RYR2: variants seen among roughly 807,000 people sequenced by gnomAD.
RYR2 encodes the protein ryanodine receptor 2.
A neutral mutation model predicts 601.1 loss-of-function variants in RYR2; 227 were observed. The observed-to-expected ratio is 0.38, with a 90% CI of 0.34 to 0.42. The LOEUF (loss-of-function observed/expected upper bound fraction) is 0.42. Ranked by LOEUF, RYR2 falls within the 10% of genes least tolerant of loss-of-function variation. The probability of loss-of-function intolerance (pLI) is 1.00; values close to 1 mark genes in which losing one functional copy is unlikely to be tolerated. For synonymous variants in RYR2, 2,223 were observed against 2,175.1 expected (o/e 1.02, Z -0.61); for missense variants, 4,646 against 6,156.5 (o/e 0.75, Z 8.21).
intron 1 of RYR2, among the ~76,000 whole-genome samples, chr1:237,068,223 C>T (rs1663893386): frequency 6.6e-6 from 1 of 151,936 alleles, no homozygotes; most frequent in Non-Finnish European, 1.5e-5. Flanking sequence ...ATGGTGATTA[C>T]AATAAAGTCA....
In RYR2 at chr1:237,643,341, G is replaced by T; in HGVS notation, c.7236G>T (p.Gly2412=). The T allele has an allele frequency of 1.2e-6, 2 of 1,613,632 alleles. No homozygotes were observed. Among genetic ancestry groups the T allele is most frequent in the Non-Finnish European group, 1.7e-6 (2 of 1,179,710 alleles). ...CCCCTGTATAGTTGATTCATGCCGG[G>T]AAGGGAGAAGCCATCAGAATTAGGT... ...CAPEMHLIHA[G]KGEAIRIRSI... is the part of the protein sequence containing the mutation. The change falls in exon 48 of 105, where the codon GGG becomes GGT. Residue 2412 remains glycine (G), a synonymous_variant. Coordinates refer to ENST00000366574, the MANE Select transcript of RYR2 (RefSeq NM_001035.3).
chr1:237,121,030 C>CTG (rs146153915), intron 1 of RYR2: 118,256 of 147,966 alleles, frequency 0.8, 47,737 homozygotes, highest in Non-Finnish European at 0.86. Context: ...GTTTAAAATG[C>CTG]TGTGTGTGTG....
chr1:237,654,138 T>C lies in RYR2; in HGVS notation c.7825-136T>C, dbSNP rs1012753700. On this transcript the variant is annotated intron_variant, in intron 51 of 104. Coordinates refer to ENST00000366574, the MANE Select transcript of RYR2 (RefSeq NM_001035.3). ...TACACGGTGATAGTATTCTCCAAGATAATTTATATGGGATTGGGCAATTTC... is the reference window on the plus strand; with the variant it reads ...TACACGGTGATAGTATTCTCCAAGACAATTTATATGGGATTGGGCAATTTC... 6.1e-6 allele frequency: 6 copies of C among 983,612 alleles called. No homozygotes were observed. In the African/African-American group the frequency reaches 8.2e-5, roughly 13 times the overall value. The allele number at this position is 983,612 out of a possible 1,614,324, so 60.9% of individuals were successfully genotyped here.
chr1:237,687,360 C>CTTCTTCTTTTTTTTTTTTTTTTTTTTTTT, intron 62 of RYR2, 95 bp from the exon 63 acceptor site: 1 of 492,270 alleles, frequency 2.0e-6, no homozygotes, highest in South Asian at 2.8e-5. Flanking sequence ...TTTCTTTTTT[C>CTTCTTCTTTTTTTTTTTTTTTTTTTTTTT]TTCTTCTTTT....
At chr1:237,255,150 T>C (rs1687832506) in intron 1 of RYR2, among the ~76,000 whole-genome samples, 1 of 152,198 alleles carries the variant, frequency 6.6e-6, no homozygotes, top group African/African-American at 2.4e-5. Context: ...AACATAGGCA[T>C]AGATTTGATT....
chr1:237,614,104 G>A lies in RYR2; in HGVS notation c.4976G>A (p.Arg1659Gln), dbSNP rs1281673231. 10 of 1,613,972 alleles carry A rather than the reference G, an allele frequency of 6.2e-6. No homozygotes were observed. Among genetic ancestry groups the A allele is most frequent in the Admixed American group, 3.3e-5 (2 of 60,028 alleles). ...CTGAAATTTCACTATCACACTCTCC[G>A]GCTCTACTCAGCCGTCTGTGCTCTT... ...ELLKFHYHTLRLYSAVCALGN... is the reference protein window; with the variant it reads ...ELLKFHYHTLQLYSAVCALGN... Residue 1659 changes from arginine (R) to glutamine (Q), a missense_variant, in exon 37 of 105, where the codon CGG (arginine) becomes CAG (glutamine). Arg to Gln is a conservative substitution (Grantham distance 43). This residue lies in a region of RYR2 where 1,807 missense variants were observed against 2,088.1 expected (regional missense o/e 0.87). Coordinates refer to ENST00000366574, the MANE Select transcript of RYR2 (RefSeq NM_001035.3). This position sits in a 1 kb window ranked among gnomAD's most constrained non-coding sequence, Gnocchi z 4.3.
intron 12 of RYR2, among the ~76,000 whole-genome samples, chr1:237,437,201 C>A (rs1364824776): frequency 6.6e-6 from 1 of 151,728 alleles, no homozygotes; most frequent in African/African-American, 2.4e-5. Flanking sequence ...CCCGCCACCA[C>A]GCTCAGCTAA....
chr1:237,459,872 T>C (rs1176586963), intron 16 of RYR2, among the ~76,000 whole-genome samples: 1 of 152,188 alleles, frequency 6.6e-6, no homozygotes, highest in African/African-American at 2.4e-5. Flanking sequence ...AGTGTGATTT[T>C]AAAATGGCTT....
At position 237,353,075 on chromosome 1, in the gene RYR2, T is replaced by C. The variant is rs545539556; in HGVS notation, c.274-2890T>C. Among the ~76,000 whole-genome samples the C allele has an allele frequency of 6.6e-5, 10 of 152,324 alleles. No individual in the cohort carries two copies. In the East Asian group the frequency reaches 1.9e-3, roughly 29 times the overall value. ...GTCATTTGTTTTCTAGTATGTAAAA[T>C]GCAGATAATAAGATTACATGTAAAA... On this transcript the variant is annotated intron_variant, in intron 3 of 104. Coordinates refer to ENST00000366574, the MANE Select transcript of RYR2 (RefSeq NM_001035.3).
At chr1:237,443,302 T>C (rs1198714820) in intron 13 of RYR2, among the ~76,000 whole-genome samples, 2 of 152,190 alleles carry the variant, frequency 1.3e-5, no homozygotes, top group Admixed American at 1.3e-4. Context: ...TATTTTCCCA[T>C]TGTGAATTTC....
rs1553373193 is a variant in RYR2 at position 237,268,950 on chromosome 1, A to AAAAAAAC, written c.49-1541_49-1540insCAAAAAA. Among the ~76,000 whole-genome samples, 411 of 107,228 alleles carry AAAAAAAC rather than the reference A, an allele frequency of 3.8e-3. 43 individuals are homozygous for AAAAAAAC. Among genetic ancestry groups the AAAAAAAC allele is most frequent in the Middle Eastern group, 0.018 (3 of 164 alleles). The allele number at this position is 107,228 out of a possible 152,430, so 70.3% of individuals were successfully genotyped here. A position where few individuals can be genotyped will look rare whatever the true frequency, so the allele number is the denominator to read the frequency against. Reference sequence around the variant, plus strand: ...ACTCTTGTCTCAAAAAAAAAAAAAAAAAAAAAAAAAAGGAAATAAAGGCAA... The same window carrying AAAAAAAC: ...ACTCTTGTCTCAAAAAAAAAAAAAAAAAAAAACAAAAAAAAAAAGGAAATAAAGGCAA... On this transcript the variant is annotated intron_variant, in intron 1 of 104. Transcript: ENST00000366574.
intron 1 of RYR2, among the ~76,000 whole-genome samples, chr1:237,097,831 G>C (rs1478025192): frequency 6.6e-6 from 1 of 152,162 alleles, no homozygotes; most frequent in Non-Finnish European, 1.5e-5. Flanking sequence ...GGAGACCTGG[G>C]GAGGGAGAAA....
chr1:237,152,464 C>T (rs2148819681), intron 1 of RYR2, among the ~76,000 whole-genome samples: 2 of 152,224 alleles, frequency 1.3e-5, no homozygotes, highest in South Asian at 4.2e-4. Context: ...GTTTACATTC[C>T]CACCAACAGT....
chr1:237,641,507 TTC>T (rs869060032), intron 47 of RYR2, among the ~76,000 whole-genome samples: 25 of 117,780 alleles, frequency 2.1e-4, no homozygotes, highest in East Asian at 4.5e-4. Flanking sequence ...CTTTCTTTCT[TTC>T]TTTCTTTCTT....
chr1:237,716,965 G>C (rs971399276), intron 71 of RYR2, among the ~76,000 whole-genome samples: 3 of 151,912 alleles, frequency 2.0e-5, no homozygotes, highest in African/African-American at 7.3e-5. Flanking sequence ...TAAAAATTAC[G>C]TGGGAATGCA....
intron 99 of RYR2, among the ~76,000 whole-genome samples, chr1:237,806,819 A>G (rs1396978542): frequency 1.3e-5 from 2 of 152,226 alleles, no homozygotes; most frequent in African/African-American, 4.8e-5. Flanking sequence ...GCTGACTCGG[A>G]AGAAAACTGG....
chr1:237,667,303 T>G (rs1262763491), intron 57 of RYR2, among the ~76,000 whole-genome samples: 1 of 152,224 alleles, frequency 6.6e-6, no homozygotes, highest in Non-Finnish European at 1.5e-5. Flanking sequence ...TACATATTGT[T>G]AAATTGTTTG....
In RYR2 at chr1:237,569,393, G is replaced by T. The variant is rs78159899; in HGVS notation, c.3598+74G>T. On this transcript the variant is annotated intron_variant, in intron 29 of 104. Coordinates refer to ENST00000366574, the MANE Select transcript of RYR2 (RefSeq NM_001035.3). The stretch of plus-strand genomic sequence containing the variant: ...GCTTTCATCCTGAGGCTTCCTAACC[G>T]GGCGTTTCTGTTTCAGGGTGAGTGA... The T allele has an allele frequency of 3.7e-5, 54 of 1,461,822 alleles. No homozygotes were observed. In the South Asian group the frequency reaches 5.7e-4, roughly 15 times the overall value. The allele number at this position is 1,461,822 out of a possible 1,614,324, so 90.6% of individuals were successfully genotyped here. A position where few individuals can be genotyped will look rare whatever the true frequency, so the allele number is the denominator to read the frequency against.
intron 12 of RYR2, among the ~76,000 whole-genome samples, chr1:237,437,493 A>C (rs1389954871): frequency 6.6e-6 from 1 of 152,200 alleles, no homozygotes; most frequent in Non-Finnish European, 1.5e-5. Flanking sequence ...GAAATTCATC[A>C]AGGATCTGAC....
Sources: allele counts gnomAD v4.1 joint callset (sites outside exome capture counted in the v4.1 genomes callset), GRCh38; gene constraint gnomAD v4.1.1; regional missense constraint gnomAD v4.1.1; non-coding constraint Gnocchi (gnomAD v3.1); transcripts MANE v1.5; gene names NCBI Gene and HGNC (gene_info 2026-07-23, HGNC 2026-07-21).